RANBP17: variants seen among roughly 807,000 people sequenced by gnomAD.
RANBP17 encodes the protein ran-binding protein 17.
A neutral mutation model predicts 141.2 loss-of-function variants in RANBP17; 158 were observed. The observed-to-expected ratio is 1.12, with a 90% confidence interval of 0.98 to 1.28. The LOEUF (loss-of-function observed/expected upper bound fraction) is 1.28. RANBP17 is among the 50% of genes most tolerant of loss of function. RANBP17 has a pLI of 0.00. For missense variants in RANBP17, 1,438 were observed against 1,290.7 expected, an observed-to-expected ratio of 1.11 and a Z score of -1.75; for synonymous variants, 430 against 450.0, an observed-to-expected ratio of 0.96 and a Z score of 0.56.
intron 12 of RANBP17, among the ~76,000 whole-genome samples, chr5:170,936,539 T>TC (rs1310814608): frequency 6.6e-6 from 1 of 152,224 alleles, no homozygotes; most frequent in Admixed American, 6.5e-5. Context: ...TTTAGAGTTT[T>TC]CCTAGTTATT....
chr5:171,126,123 A>G (rs1756448363), intron 14 of RANBP17, among the ~76,000 whole-genome samples: 1 of 152,200 alleles, frequency 6.6e-6, no homozygotes, highest in Non-Finnish European at 1.5e-5. Context: ...CACATATTAT[A>G]TCTGACCACA....
At chr5:170,972,621 T>A (rs544595153) in intron 14 of RANBP17, among the ~76,000 whole-genome samples, 1 of 152,318 alleles carries the variant, frequency 6.6e-6, no homozygotes, top group Non-Finnish European at 1.5e-5. Context: ...ATATGTTAGA[T>A]TGTTTCCAGA....
rs183656703 is a variant in RANBP17, at chr5:171,128,878, A to G, written c.1711-41252A>G. Among the ~76,000 whole-genome samples, 8 of 152,298 alleles carry G rather than the reference A, an allele frequency of 5.3e-5. No homozygotes were observed. In the East Asian group the frequency reaches 1.5e-3, roughly 29 times the overall value. On this transcript the variant is annotated intron_variant, in intron 14 of 27. Coordinates refer to ENST00000523189, the MANE Select transcript of RANBP17 (RefSeq NM_022897.5). ...CAATAATGAAAACTCTGCCCTCTAC[A>G]CTTACATAAATGGCAACTAATATAT...
chr5:171,088,547 C>G (rs1785898455), intron 14 of RANBP17, among the ~76,000 whole-genome samples: 1 of 152,196 alleles, frequency 6.6e-6, no homozygotes, highest in Non-Finnish European at 1.5e-5. Flanking sequence ...GGATAATATC[C>G]TGCAGAGTGT....
intron 12 of RANBP17, among the ~76,000 whole-genome samples, chr5:170,930,362 A>G (rs1481988712): frequency 6.6e-6 from 1 of 151,342 alleles, no homozygotes; most frequent in Non-Finnish European, 1.5e-5. Flanking sequence ...CGAGTTTTGT[A>G]GTTTTATTAT....
rs555445832 is a variant in RANBP17 at position 171,073,400 on chromosome 5, C to T, written c.1711-96730C>T. ...TTTCTTACAGGTACAGATTAGCAGT[C>T]CTAAAACTACTCTACCTCTATTCTA... On this transcript the variant is annotated intron_variant, in intron 14 of 27. Transcript: ENST00000523189. Among the ~76,000 whole-genome samples, 14 of 152,064 alleles carry T rather than the reference C, an allele frequency of 9.2e-5. No individual in the cohort carries two copies. In the South Asian group the frequency reaches 2.9e-3, roughly 32 times the overall value.
At chr5:170,957,733 G>C (rs948885399) in intron 13 of RANBP17, among the ~76,000 whole-genome samples, 3 of 152,138 alleles carry the variant, frequency 2.0e-5, no homozygotes, top group Non-Finnish European at 4.4e-5. Context: ...ATACAAGAAG[G>C]CTGTCATGTG....
At chr5:171,197,139 G>T (rs575031593) in intron 18 of RANBP17, among the ~76,000 whole-genome samples, 32 of 152,236 alleles carry the variant, frequency 2.1e-4, no homozygotes, top group African/African-American at 7.7e-4. Flanking sequence ...ATTTGATAAT[G>T]TATATTTCAA....
chr5:171,077,855 A>G (rs550280040), intron 14 of RANBP17, among the ~76,000 whole-genome samples: 3 of 152,356 alleles, frequency 2.0e-5, no homozygotes, highest in African/African-American at 4.8e-5. Context: ...CAAACCAGCC[A>G]TAACATTCCC....
At chr5:170,967,859 A>G (rs1776697384) in intron 13 of RANBP17, among the ~76,000 whole-genome samples, 1 of 151,754 alleles carries the variant, frequency 6.6e-6, no homozygotes, top group Non-Finnish European at 1.5e-5. Flanking sequence ...GGTGAAATAC[A>G]AGACTACATA....
chr5:170,878,263 G>A lies in RANBP17; in HGVS notation c.165+20G>A, dbSNP rs962998942. ...GGAACAGTAAGTATTTGGTAACAAT[G>A]ATTAACCATGAAAGATCAGTAGATG... On this transcript the variant is annotated intron_variant, in intron 2 of 27. Coordinates refer to ENST00000523189, the MANE Select transcript of RANBP17 (RefSeq NM_022897.5). 1 of 1,588,876 alleles carries A rather than the reference G, an allele frequency of 6.3e-7. No individual in the cohort carries two copies. Among genetic ancestry groups the A allele is most frequent in the Non-Finnish European group, 8.6e-7 (1 of 1,165,362 alleles).
chr5:171,069,269 C>A (rs1784497587), intron 14 of RANBP17, among the ~76,000 whole-genome samples: 1 of 152,196 alleles, frequency 6.6e-6, no homozygotes, highest in African/African-American at 2.4e-5. Context: ...TCTGCCCTAG[C>A]AGCAGGAAGC....
At chr5:171,278,009 C>G (rs1022878055) in intron 25 of RANBP17, among the ~76,000 whole-genome samples, 6 of 114,734 alleles carry the variant, frequency 5.2e-5, no homozygotes, top group Non-Finnish European at 8.2e-5. Flanking sequence ...AGACATTTGA[C>G]CCAAGCTGGC....
chr5:171,019,848 TG>T (rs1780727116), intron 14 of RANBP17, among the ~76,000 whole-genome samples: 1 of 152,206 alleles, frequency 6.6e-6, no homozygotes, highest in African/African-American at 2.4e-5. Flanking sequence ...CCTCTCTAGC[TG>T]TTTTAATTAT....
intron 14 of RANBP17, among the ~76,000 whole-genome samples, chr5:171,007,004 A>G (rs2127585225): frequency 6.6e-6 from 1 of 152,244 alleles, no homozygotes; most frequent in African/African-American, 2.4e-5. Flanking sequence ...TTCTCGGGGA[A>G]CTGCTCTCAT....
At chr5:171,289,544 C>G (rs1004864731) in intron 25 of RANBP17, among the ~76,000 whole-genome samples, 7 of 151,984 alleles carry the variant, frequency 4.6e-5, no homozygotes, top group Admixed American at 1.3e-4. Flanking sequence ...TGGAGACCAG[C>G]CTGGGCAACA....
intron 14 of RANBP17, among the ~76,000 whole-genome samples, chr5:171,064,437 A>AATT (rs1282616697): frequency 6.6e-6 from 1 of 152,238 alleles, no homozygotes; most frequent in Non-Finnish European, 1.5e-5. Context: ...GTTTTTACAT[A>AATT]ATTAACAAGC....
At position 171,245,986 on chromosome 5, in the gene RANBP17, C is replaced by A. The variant is rs1012152670; in HGVS notation, c.2776+3166C>A. Among the ~76,000 whole-genome samples, 5 of 150,608 alleles carry A rather than the reference C, an allele frequency of 3.3e-5. No homozygotes were observed. The Admixed American group carries it at 3.3e-4, about 10-fold the overall frequency. On this transcript the variant is annotated intron_variant, in intron 24 of 27. Coordinates refer to ENST00000523189, the MANE Select transcript of RANBP17 (RefSeq NM_022897.5). ...CTCCGCCTCCTGGGTTCAAACAATT[C>A]TTCTACCTCAGCCTCCCAAGTACCT...
chr5:171,090,154 G>C (rs1373428379), intron 14 of RANBP17, among the ~76,000 whole-genome samples: 1 of 152,172 alleles, frequency 6.6e-6, no homozygotes. Context: ...GGAAGAGTTT[G>C]GAACTCCCTA....
Sources: gnomAD v4.1 joint callset for allele counts (sites outside exome capture counted in the v4.1 genomes callset) on GRCh38, gnomAD v4.1.1 for gene constraint, MANE v1.5 for transcripts, NCBI Gene and HGNC (gene_info 2026-07-23, HGNC 2026-07-21) for gene names.